SHISA9: variants seen among roughly 807,000 people sequenced by gnomAD.
The protein encoded by SHISA9 is shisa family member 9.
Under a neutral mutation model 38.0 loss-of-function variants are expected in SHISA9, and 13 were observed. The ratio of observed to expected loss-of-function variants is 0.34; its 90% CI spans 0.22 to 0.54. The LOEUF (loss-of-function observed/expected upper bound fraction) is 0.54. Among genes scored for constraint, SHISA9 ranks in the 20% least tolerant of loss-of-function variants. SHISA9 has a pLI of 0.91. For synonymous variants in SHISA9, 275 were observed against 242.0 expected (o/e 1.14, Z -1.27); for missense variants, 538 against 575.8 (o/e 0.93, Z 0.67).
the SHISA9 span, among the ~76,000 whole-genome samples, chr16:13,476,381 A>C: frequency 2.0e-5 from 3 of 152,162 alleles, no homozygotes; most frequent in African/African-American, 7.2e-5. Flanking sequence ...TGGATTTGAG[A>C]CTAAGCTCCC....
In SHISA9 at chr16:13,138,256, G is replaced by A. The variant is rs113689001; in HGVS notation, c.692-65138G>A. Among the ~76,000 whole-genome samples the A allele has an allele frequency of 9.7e-3, 1,484 of 152,298 alleles. 24 individuals carry two copies. The highest frequency in any genetic ancestry group is 0.033 in the African/African-American group (1,388 of 41,538). ...TCATCCCAGAGCAACTGAATCAGAA[G>A]CTGCATTTTAATAAAATGTGTGGGT... On this transcript the variant is annotated intron_variant, in intron 2 of 4. Transcript: ENST00000558583.
chr16:13,143,897 T>C (rs542940496), intron 2 of SHISA9, among the ~76,000 whole-genome samples: 2 of 152,336 alleles, frequency 1.3e-5, no homozygotes, highest in South Asian at 4.1e-4. Context: ...CCATGATCAT[T>C]GGAAAATCTT....
At chr16:13,545,189 C>T in the SHISA9 span, among the ~76,000 whole-genome samples, 11,168 of 152,182 alleles carry the variant, frequency 0.073, 606 homozygotes, top group East Asian at 0.19. Flanking sequence ...TCCAAAGAAG[C>T]CGAATAATTT....
the SHISA9 span, among the ~76,000 whole-genome samples, chr16:13,298,545 T>C: frequency 6.6e-6 from 1 of 151,962 alleles, no homozygotes; most frequent in East Asian, 1.9e-4. Context: ...AATCAGAGCT[T>C]AGAGTGCTTA....
chr16:12,934,284 A>G (rs943777781), intron 2 of SHISA9, among the ~76,000 whole-genome samples: 6 of 152,234 alleles, frequency 3.9e-5, no homozygotes, highest in African/African-American at 1.2e-4. Context: ...TGTTTTATAC[A>G]TGTCCTATTG....
intron 2 of SHISA9, among the ~76,000 whole-genome samples, chr16:13,040,643 A>G (rs2073122669): frequency 6.6e-6 from 1 of 152,224 alleles, no homozygotes; most frequent in African/African-American, 2.4e-5. Flanking sequence ...CCCTTGCTCT[A>G]TCACCAGTGT....
chr16:13,374,339 C>T, the SHISA9 span, among the ~76,000 whole-genome samples: 4 of 152,242 alleles, frequency 2.6e-5, no homozygotes, highest in South Asian at 8.3e-4. Flanking sequence ...TGACAGACCC[C>T]AGTGTGTGAT....
At chr16:13,248,256 A>C in the SHISA9 span, among the ~76,000 whole-genome samples, 1 of 152,102 alleles carries the variant, frequency 6.6e-6, no homozygotes, top group Non-Finnish European at 1.5e-5. Flanking sequence ...CTGCTCAAAA[A>C]ACCTCATTTT....
the SHISA9 span, among the ~76,000 whole-genome samples, chr16:13,559,808 A>G: frequency 6.6e-6 from 1 of 152,214 alleles, no homozygotes; most frequent in Non-Finnish European, 1.5e-5. Context: ...GTTGTTCAAT[A>G]AATGCTGACA....
the SHISA9 span, among the ~76,000 whole-genome samples, chr16:13,279,687 G>C: frequency 6.6e-6 from 1 of 151,932 alleles, no homozygotes; most frequent in Non-Finnish European, 1.5e-5. Flanking sequence ...TATCATTCAA[G>C]TGACCTACAT....
chr16:13,216,165 C>G (rs28561966), intron 4 of SHISA9, among the ~76,000 whole-genome samples: 5 of 133,418 alleles, frequency 3.7e-5, no homozygotes, highest in African/African-American at 1.5e-4. Context: ...CCACCCTGGG[C>G]GGCAGAGCGA....
chr16:13,214,187 G>A (rs1212339834), intron 4 of SHISA9, among the ~76,000 whole-genome samples: 1 of 152,048 alleles, frequency 6.6e-6, no homozygotes, highest in Non-Finnish European at 1.5e-5. Context: ...GGAGGTGGAG[G>A]TAGAACTATT....
the SHISA9 span, among the ~76,000 whole-genome samples, chr16:13,495,642 A>T: frequency 1.4e-4 from 21 of 152,110 alleles, no homozygotes; most frequent in African/African-American, 4.8e-4. Flanking sequence ...ATCATTTCTG[A>T]TTTTAAATAT....
chr16:13,363,551 C>T, the SHISA9 span, among the ~76,000 whole-genome samples: 1 of 152,070 alleles, frequency 6.6e-6, no homozygotes, highest in Non-Finnish European at 1.5e-5. Context: ...GTATTCTGGA[C>T]ACATGAAAAA....
At chr16:13,021,958 C>G (rs1320146928) in intron 2 of SHISA9, among the ~76,000 whole-genome samples, 1 of 152,112 alleles carries the variant, frequency 6.6e-6, no homozygotes, top group Non-Finnish European at 1.5e-5. Flanking sequence ...AATTTGGAGG[C>G]AGTAAGTCTG....
chr16:13,244,640 A>G (rs1428386473), downstream of SHISA9, among the ~76,000 whole-genome samples: 2 of 152,196 alleles, frequency 1.3e-5, no homozygotes, highest in Non-Finnish European at 2.9e-5. Context: ...GTCAAAGTGG[A>G]CTATTAGTAG....
At chr16:13,372,403 T>G in the SHISA9 span, among the ~76,000 whole-genome samples, 1 of 152,180 alleles carries the variant, frequency 6.6e-6, no homozygotes, top group Non-Finnish European at 1.5e-5. Flanking sequence ...TAAGTCCAGG[T>G]GATATAGCTT....
At chr16:13,195,680 G>T (rs2819692) in intron 2 of SHISA9, among the ~76,000 whole-genome samples, 10 of 151,940 alleles carry the variant, frequency 6.6e-5, no homozygotes, top group Non-Finnish European at 1.0e-4. Flanking sequence ...CATCAATAGC[G>T]ATGAGTCATT....
the SHISA9 span, among the ~76,000 whole-genome samples, chr16:13,520,741 C>T: frequency 2.6e-5 from 4 of 151,592 alleles, no homozygotes; most frequent in South Asian, 2.1e-4. Context: ...AAGGGGTCTG[C>T]GTCCTGCTGG....
Sources: allele counts gnomAD v4.1 joint callset (sites outside exome capture counted in the v4.1 genomes callset), GRCh38; gene constraint gnomAD v4.1.1; transcripts MANE v1.5; gene names NCBI Gene and HGNC (gene_info 2026-07-23, HGNC 2026-07-21).